Variants in SYT10 observed in about 807,000 individuals in gnomAD.
SYT10 encodes synaptotagmin-10.
Under a neutral mutation model 51.1 loss-of-function variants are expected in SYT10, and 31 were observed. The ratio of observed to expected loss-of-function variants is 0.61; its 90% CI spans 0.46 to 0.82. The LOEUF (loss-of-function observed/expected upper bound fraction) is 0.82. Ranked by LOEUF, SYT10 falls within the 40% of genes least tolerant of loss-of-function variation. SYT10 has a pLI of 0.00. For synonymous variants in SYT10, 233 were observed against 225.9 expected (o/e 1.03, Z -0.28); for missense variants, 603 against 634.0 (o/e 0.95, Z 0.53).
intron 3 of SYT10, among the ~76,000 whole-genome samples, chr12:33,389,941 G>T (rs1866189429): frequency 2.0e-5 from 3 of 152,150 alleles, no homozygotes; most frequent in Non-Finnish European, 2.9e-5. Flanking sequence ...CATTCACCTG[G>T]AATTTAACCT....
At chr12:33,434,451 CAAATAAT>C (rs1440934468) in intron 1 of SYT10, among the ~76,000 whole-genome samples, 1 of 152,158 alleles carries the variant, frequency 6.6e-6, no homozygotes, top group Non-Finnish European at 1.5e-5. Flanking sequence ...CATTATCTTA[CAAATAAT>C]AAAGTTGAAG....
chr12:33,407,189 T>C lies in SYT10; in HGVS notation c.677A>G (p.Asn226Ser), dbSNP rs755588003. The C allele has an allele frequency of 4.3e-6, 7 of 1,614,162 alleles. No individual in the cohort carries two copies. The East Asian group carries it at 1.3e-4, about 31-fold the overall frequency. Residue 226 changes from asparagine (N) to serine (S), a missense_variant, in exon 3 of 7, where the codon AAC becomes AGC. Coordinates refer to ENST00000228567, the MANE Select transcript of SYT10 (RefSeq NM_198992.4). ...QKSVDSEGNQ[N>S]EDVKICGKLN... Reference sequence around the variant, plus strand: ...TTTCCCACAGATTTTGACATCTTCGTTTTGGTTGCCCTCAGAGTCAACTGA... The same window carrying C: ...TTTCCCACAGATTTTGACATCTTCGCTTTGGTTGCCCTCAGAGTCAACTGA...
At chr12:33,396,908 G>C (rs1347016651) in intron 3 of SYT10, among the ~76,000 whole-genome samples, 2 of 152,144 alleles carry the variant, frequency 1.3e-5, no homozygotes, top group Admixed American at 6.5e-5. Flanking sequence ...AAAGTGCTGG[G>C]ATTACAGGCG....
chr12:33,424,571 G>A (rs996676592), intron 2 of SYT10, among the ~76,000 whole-genome samples: 8 of 152,004 alleles, frequency 5.3e-5, no homozygotes, highest in Non-Finnish European at 1.0e-4. Context: ...TGATAATCAA[G>A]TAAATACATG....
chr12:33,422,188 A>G (rs1866511390), intron 2 of SYT10, among the ~76,000 whole-genome samples: 1 of 152,126 alleles, frequency 6.6e-6, no homozygotes, highest in Non-Finnish European at 1.5e-5. Context: ...GGTATATGGA[A>G]CCAAAATGCT....
chr12:33,379,522 C>T (rs1866094534), intron 6 of SYT10, among the ~76,000 whole-genome samples: 1 of 116,248 alleles, frequency 8.6e-6, no homozygotes, highest in Non-Finnish European at 1.6e-5. Flanking sequence ...TGCTCCAGCA[C>T]TCACTGATGT....
At chr12:33,386,791 G>T (rs1866160229) in intron 3 of SYT10, among the ~76,000 whole-genome samples, 1 of 152,150 alleles carries the variant, frequency 6.6e-6, no homozygotes, top group Admixed American at 6.5e-5. Context: ...GTACTGAAGT[G>T]CACGGTGCAT....
intron 1 of SYT10, among the ~76,000 whole-genome samples, chr12:33,438,021 C>T (rs1169237070): frequency 6.6e-6 from 1 of 152,134 alleles, no homozygotes; most frequent in Non-Finnish European, 1.5e-5. Context: ...GCCCCCTTGG[C>T]TCACGTTGCC....
chr12:33,386,812 T>A (rs1315291842), intron 3 of SYT10, among the ~76,000 whole-genome samples: 1 of 152,210 alleles, frequency 6.6e-6, no homozygotes, highest in Admixed American at 6.5e-5. Flanking sequence ...AGCTGATACA[T>A]ACCAGTTCAT....
intron 1 of SYT10, among the ~76,000 whole-genome samples, chr12:33,430,850 T>C (rs1004176157): frequency 1.3e-5 from 2 of 152,148 alleles, no homozygotes; most frequent in African/African-American, 4.8e-5. Flanking sequence ...TTTGGGATTA[T>C]CTTTGAAGTT....
At chr12:33,400,797 A>T (rs1866296934) in intron 3 of SYT10, among the ~76,000 whole-genome samples, 1 of 152,138 alleles carries the variant, frequency 6.6e-6, no homozygotes, top group Non-Finnish European at 1.5e-5. Flanking sequence ...AGACCGAGGC[A>T]GGCAGATCAC....
intron 4 of SYT10, 113 bp from the exon 5 acceptor site, chr12:33,382,633 C>A (rs1307000583): frequency 2.4e-5 from 22 of 899,042 alleles, no homozygotes; most frequent in African/African-American, 5.2e-5. Flanking sequence ...TATATTAAGA[C>A]CTTTAGTATT....
intron 2 of SYT10, among the ~76,000 whole-genome samples, chr12:33,412,914 C>G (rs1194425961): frequency 1.3e-5 from 2 of 151,876 alleles, no homozygotes; most frequent in African/African-American, 2.4e-5. Context: ...CGAACCCATC[C>G]AAAAAAACTA....
At chr12:33,428,701 T>C (rs1299007506) in intron 1 of SYT10, among the ~76,000 whole-genome samples, 1 of 151,966 alleles carries the variant, frequency 6.6e-6, no homozygotes, top group Non-Finnish European at 1.5e-5. Context: ...GGTCAGAAGA[T>C]CGACACCATC....
chr12:33,391,366 A>G (rs1591984188), intron 3 of SYT10, among the ~76,000 whole-genome samples: 1 of 152,114 alleles, frequency 6.6e-6, no homozygotes, highest in Admixed American at 6.6e-5. Flanking sequence ...AGGGCATTAG[A>G]GGTGGGTGAC....
chr12:33,398,658 CTATGA>C (rs1160148994), intron 3 of SYT10, among the ~76,000 whole-genome samples: 4 of 152,144 alleles, frequency 2.6e-5, no homozygotes, highest in Non-Finnish European at 5.9e-5. Flanking sequence ...GATACTACTA[CTATGA>C]TATAATTTTT....
chr12:33,401,617 G>C (rs1225340329), intron 3 of SYT10, among the ~76,000 whole-genome samples: 1 of 151,966 alleles, frequency 6.6e-6, no homozygotes, highest in Non-Finnish European at 1.5e-5. Context: ...AAATGTTCCT[G>C]CTTGATTTCA....
At chr12:33,409,066 A>T (rs2138417543) in intron 2 of SYT10, among the ~76,000 whole-genome samples, 1 of 151,860 alleles carries the variant, frequency 6.6e-6, no homozygotes, top group Non-Finnish European at 1.5e-5. Flanking sequence ...TCTTATACTT[A>T]ATACCCAGTC....
intron 4 of SYT10, 89 bp downstream of exon 4, chr12:33,385,082 A>C: frequency 6.7e-7 from 1 of 1,497,630 alleles, no homozygotes; most frequent in Non-Finnish European, 9.0e-7. Flanking sequence ...ATTATAGGCA[A>C]ATAATTCAGT....
Sources: allele counts gnomAD v4.1 joint callset (sites outside exome capture counted in the v4.1 genomes callset), GRCh38; gene constraint gnomAD v4.1.1; transcripts MANE v1.5; gene names NCBI Gene and HGNC (gene_info 2026-07-23, HGNC 2026-07-21).